HIPK2: variants seen among roughly 807,000 people sequenced by gnomAD.
HIPK2 encodes homeodomain-interacting protein kinase 2.
In HIPK2, 27 loss-of-function variants were observed where a neutral mutation model predicts 113.7. That is an observed-to-expected ratio of 0.24 (90% CI 0.17 to 0.33). The LOEUF (loss-of-function observed/expected upper bound fraction) is 0.33, where lower values mean the gene tolerates loss of function less well. HIPK2 is among the 10% of genes least tolerant of loss of function. HIPK2 has a pLI of 1.00. For synonymous variants in HIPK2, 631 were observed against 642.2 expected (o/e 0.98, Z 0.26); for missense variants, 1,257 against 1,588.0 (o/e 0.79, Z 3.54).
At position 139,573,174 on chromosome 7, in the gene HIPK2, ACG is replaced by A. The variant is rs1317058160; in HGVS notation, c.3348_3349del (p.Val1117GlyfsTer150). On this transcript the variant is annotated frameshift_variant, in exon 15 of 15. Transcript: ENST00000406875. LOFTEE classifies it high-confidence loss of function. ...GCCTTGCGAGGCCACCAGGTGGGCC[ACG>A]GTGCCGGTGGAGCCCAGGGCCGCCG... is the stretch of plus-strand genomic sequence containing the variant. The A allele has an allele frequency of 4.3e-6, 7 of 1,609,204 alleles. No individual in the cohort carries two copies. The highest frequency in any genetic ancestry group is 1.3e-5 in the African/African-American group (1 of 74,838).
intron 2 of HIPK2, among the ~76,000 whole-genome samples, chr7:139,661,260 G>C (rs191747937): frequency 9.9e-5 from 15 of 152,218 alleles, no homozygotes; most frequent in Admixed American, 2.0e-4. Flanking sequence ...AGAACAATCC[G>C]ACACCCAATA....
At chr7:139,689,157 C>T (rs376075867) in intron 2 of HIPK2, among the ~76,000 whole-genome samples, 5 of 152,264 alleles carry the variant, frequency 3.3e-5, no homozygotes, top group African/African-American at 7.2e-5. Context: ...AATGCAGCCA[C>T]GGACCCCACA....
chr7:139,665,071 T>C (rs1303247646), intron 2 of HIPK2, among the ~76,000 whole-genome samples: 1 of 150,868 alleles, frequency 6.6e-6, no homozygotes, highest in African/African-American at 2.4e-5. Context: ...AGGGTCTTGC[T>C]CTGTCACCCA....
intron 2 of HIPK2, among the ~76,000 whole-genome samples, chr7:139,699,484 T>G (rs1794650212): frequency 6.6e-6 from 1 of 152,114 alleles, no homozygotes; most frequent in African/African-American, 2.4e-5. Flanking sequence ...GTACCTGCCA[T>G]CCACAGCCTC....
At chr7:139,705,326 C>T (rs1318573182) in intron 2 of HIPK2, among the ~76,000 whole-genome samples, 19 of 152,150 alleles carry the variant, frequency 1.2e-4, no homozygotes. Context: ...TCAGTCCCTA[C>T]CAACCTCATC....
chr7:139,689,928 C>T (rs766115627), intron 2 of HIPK2, among the ~76,000 whole-genome samples: 3 of 152,186 alleles, frequency 2.0e-5, no homozygotes, highest in Non-Finnish European at 4.4e-5. Context: ...GGGGGAAAGA[C>T]GCTGGGTGGA....
At chr7:139,600,637 C>A in intron 10 of HIPK2, 41 bp from the exon 11 acceptor site, 1 of 1,594,086 alleles carries the variant, frequency 6.3e-7, no homozygotes, top group Non-Finnish European at 8.6e-7. Context: ...TAGAGGTGTT[C>A]TAAAAGTAGA....
chr7:139,619,610 G>A (rs551202642), intron 7 of HIPK2, among the ~76,000 whole-genome samples: 6 of 152,252 alleles, frequency 3.9e-5, no homozygotes, highest in Admixed American at 1.3e-4. Context: ...TCCATGACTC[G>A]GAGAAAGGAC....
intron 13 of HIPK2, among the ~76,000 whole-genome samples, chr7:139,578,910 G>T (rs1265906445): frequency 6.6e-6 from 1 of 152,152 alleles, no homozygotes; most frequent in Non-Finnish European, 1.5e-5. Flanking sequence ...GATCTCAGGT[G>T]ATCTGCCCCA....
intron 13 of HIPK2, chr7:139,583,468 G>A: frequency 4.5e-6 from 1 of 220,138 alleles, no homozygotes; most frequent in Non-Finnish European, 9.1e-6. Flanking sequence ...GCAGAGAGTG[G>A]TGCTAGATGT....
At position 139,566,855 on chromosome 7, in the gene HIPK2, T is replaced by C. The variant is rs1417291140; in HGVS notation, c.*6072A>G. 6.6e-6 allele frequency: 1 copy of C among 152,266 alleles called. No homozygotes were observed. Among genetic ancestry groups the C allele is most frequent in the African/African-American group, 2.4e-5 (1 of 41,472 alleles). The allele number at this position is 152,266 out of a possible 1,614,324, so 9.4% of individuals were successfully genotyped here. ...TCTGAGATGAGGGGCTCCCAGAGGC[T>C]TGGGCAAGTCCAGCGGGGGGCATCG... On this transcript the variant is annotated 3_prime_UTR_variant, in exon 15 of 15. Coordinates refer to ENST00000406875, the MANE Select transcript of HIPK2 (RefSeq NM_022740.5). The surrounding 1 kb of genome is among the most constrained non-coding windows in gnomAD (Gnocchi z 4.1).
At chr7:139,735,790 C>A (rs551620268) in intron 1 of HIPK2, among the ~76,000 whole-genome samples, 1 of 152,326 alleles carries the variant, frequency 6.6e-6, no homozygotes, top group East Asian at 1.9e-4. Context: ...CCAGTGAGCA[C>A]TGGGTTCCAG....
chr7:139,659,060 ACGG>A (rs140576967), intron 2 of HIPK2, among the ~76,000 whole-genome samples: 8,576 of 152,220 alleles, frequency 0.056, 325 homozygotes, highest in Non-Finnish European at 0.083. Context: ...GCTGAGGCCG[ACGG>A]CATGTGGTAT....
chr7:139,626,354 G>A (rs57762660), intron 6 of HIPK2, among the ~76,000 whole-genome samples: 1 of 151,528 alleles, frequency 6.6e-6, no homozygotes, highest in African/African-American at 2.4e-5. Flanking sequence ...CCACCTGCCT[G>A]GGCCTCCCAA....
At chr7:139,731,933 C>T (rs773458166) in intron 1 of HIPK2, among the ~76,000 whole-genome samples, 5 of 152,040 alleles carry the variant, frequency 3.3e-5, no homozygotes, top group Non-Finnish European at 7.3e-5. Context: ...GGGAAAGGTA[C>T]CACCTCCACA....
At chr7:139,674,897 C>G (rs1261841813) in intron 2 of HIPK2, among the ~76,000 whole-genome samples, 1 of 152,212 alleles carries the variant, frequency 6.6e-6, no homozygotes, top group East Asian at 1.9e-4. Context: ...GCTGCCGCTT[C>G]CTGCCATCCA....
intron 1 of HIPK2, among the ~76,000 whole-genome samples, chr7:139,763,211 A>G (rs556835627): frequency 6.6e-6 from 1 of 152,208 alleles, no homozygotes. Flanking sequence ...CATGCTGTTC[A>G]GGATTCAGGA....
chr7:139,612,812 AAGGC>A (rs1328578535), intron 9 of HIPK2, among the ~76,000 whole-genome samples: 1 of 152,210 alleles, frequency 6.6e-6, no homozygotes, highest in Non-Finnish European at 1.5e-5. Context: ...GATAATCACC[AAGGC>A]TCCTTTTGGC....
chr7:139,717,486 C>A (rs1043468165), intron 1 of HIPK2, among the ~76,000 whole-genome samples: 1 of 152,198 alleles, frequency 6.6e-6, no homozygotes. Flanking sequence ...GGCCCCATCA[C>A]CAGGCCACTC....
Sources: allele counts gnomAD v4.1 joint callset (sites outside exome capture counted in the v4.1 genomes callset), GRCh38; gene constraint gnomAD v4.1.1; non-coding constraint Gnocchi (gnomAD v3.1); transcripts MANE v1.5; gene names NCBI Gene and HGNC (gene_info 2026-07-23, HGNC 2026-07-21).